MARCHF10: variants seen among roughly 807,000 people sequenced by gnomAD.
MARCHF10 encodes the protein probable E3 ubiquitin-protein ligase MARCHF10.
A neutral mutation model predicts 76.2 loss-of-function variants in MARCHF10; 64 were observed. The ratio of observed to expected loss-of-function variants is 0.84; its 90% CI spans 0.69 to 1.03. MARCHF10 has a LOEUF of 1.03. MARCHF10 is among the 50% of genes least tolerant of loss of function. The pLI is 0.00. For synonymous variants in MARCHF10, 340 were observed against 357.5 expected, an observed-to-expected ratio of 0.95 and a Z score of 0.55; for missense variants, 875 against 958.0, an observed-to-expected ratio of 0.91 and a Z score of 1.14.
intron 3 of MARCHF10, among the ~76,000 whole-genome samples, chr17:62,786,718 A>C (rs191292847): frequency 3.9e-5 from 6 of 152,352 alleles, no homozygotes; most frequent in Non-Finnish European, 4.4e-5. Flanking sequence ...AGCAGGAAGA[A>C]GAAAACTATA....
chr17:62,797,461 C>T (rs1568227229), intron 2 of MARCHF10, among the ~76,000 whole-genome samples: 1 of 152,192 alleles, frequency 6.6e-6, no homozygotes, highest in East Asian at 1.9e-4. Flanking sequence ...GCCTTGGCCT[C>T]CCAAAGTGCT....
chr17:62,736,655 T>G lies in MARCHF10; in HGVS notation c.1213A>C (p.Thr405Pro). ...ACCTCTTGTCTGGGCTCGGATTTGG[T>G]GTCCCACGAAAGAGGGCTCTTTTTC... The part of the protein sequence containing the change: ...NAKKSPLSWD[T>P]KSEPRQEVGV... The change falls in exon 6 of 11, where the codon ACC becomes CCC. Residue 405 changes from threonine to proline, a missense_variant. Coordinates refer to ENST00000311269, the MANE Select transcript of MARCHF10 (RefSeq NM_152598.4). 6.2e-7 allele frequency: 1 copy of G among 1,614,204 alleles called. No homozygotes were observed. Among genetic ancestry groups the G allele is most frequent in the Non-Finnish European group, 8.5e-7 (1 of 1,180,042 alleles).
intron 4 of MARCHF10, chr17:62,746,784 G>A (rs954104659): frequency 1.3e-5 from 12 of 923,332 alleles, no homozygotes; most frequent in African/African-American, 1.7e-5. Context: ...AATCCCAGCA[G>A]AATATTCAAA....
At position 62,787,270 on chromosome 17, in the gene MARCHF10, A is replaced by G. The variant is rs141262800; in HGVS notation, c.210+1210T>C. ...TATACATCTACATCTATAAACATCAATCACTGATGTTTTTAAGGTGTCCTT... is the reference window on the plus strand; with the variant it reads ...TATACATCTACATCTATAAACATCAGTCACTGATGTTTTTAAGGTGTCCTT... On this transcript the variant is annotated intron_variant, in intron 3 of 10. Transcript: ENST00000311269. Among the ~76,000 whole-genome samples, 1,394 of 152,278 alleles carry G rather than the reference A, an allele frequency of 9.2e-3. 25 individuals are homozygous for G. The highest frequency in any genetic ancestry group is 0.03 in the African/African-American group (1,259 of 41,548).
At chr17:62,737,355 T>C (rs531887517) in intron 5 of MARCHF10, 23 bp from the exon 6 acceptor site, 2 of 1,592,278 alleles carry the variant, frequency 1.3e-6, no homozygotes, top group Non-Finnish European at 1.7e-6. Context: ...AAGACACATT[T>C]ATCGTTCCAG....
rs187317159 is a variant in MARCHF10, at chr17:62,709,980, C to T, written c.2328+1251G>A. Among the ~76,000 whole-genome samples the T allele has an allele frequency of 2.5e-3, 377 of 152,272 alleles. 1 individual carries two copies. Among genetic ancestry groups the T allele is most frequent in the African/African-American group, 8.5e-3 (351 of 41,536 alleles). ...TGAGCTTGTGGTGAGAGAAGAGTGT[C>T]CCTGGTCCCTCCTGCTGCTTTTTGC... On this transcript the variant is annotated intron_variant, in intron 9 of 10. Coordinates refer to ENST00000311269, the MANE Select transcript of MARCHF10 (RefSeq NM_152598.4).
rs572817460 is a variant in MARCHF10, at chr17:62,771,646, G to A, written c.211-11640C>T. Reference sequence around the variant, plus strand: ...GGCTGGAGCACAGTGGTGTGATCTCGGCTCACTGCAAGCTCTGCCTCCAGA... The same window carrying A: ...GGCTGGAGCACAGTGGTGTGATCTCAGCTCACTGCAAGCTCTGCCTCCAGA... On this transcript the variant is annotated intron_variant, in intron 3 of 10. Coordinates refer to ENST00000311269, the MANE Select transcript of MARCHF10 (RefSeq NM_152598.4). 3.5e-5 allele frequency among the ~76,000 whole-genome samples: 5 copies of A among 144,258 alleles called. 1 individual carries two copies. The highest frequency in any genetic ancestry group is 6.0e-5 in the Non-Finnish European group (4 of 66,902). The allele number at this position is 144,258 out of a possible 152,430, so 94.6% of individuals were successfully genotyped here. A position where few individuals can be genotyped will look rare whatever the true frequency, so the allele number is the denominator to read the frequency against.
At chr17:62,779,636 C>CA (rs1345776829) in intron 3 of MARCHF10, among the ~76,000 whole-genome samples, 2 of 152,224 alleles carry the variant, frequency 1.3e-5, no homozygotes, top group Non-Finnish European at 2.9e-5. Context: ...CCGCAGTATG[C>CA]AAAGCATTGT....
At chr17:62,740,492 T>A (rs759963092) in intron 5 of MARCHF10, among the ~76,000 whole-genome samples, 1 of 152,024 alleles carries the variant, frequency 6.6e-6, no homozygotes, top group Non-Finnish European at 1.5e-5. Context: ...TTGGAGAAAA[T>A]TTGGAAACTA....
At chr17:62,802,270 G>A (rs1304901199) in intron 1 of MARCHF10, among the ~76,000 whole-genome samples, 1 of 152,108 alleles carries the variant, frequency 6.6e-6, no homozygotes, top group Non-Finnish European at 1.5e-5. Flanking sequence ...GCTCAGGCTG[G>A]AGTGCAATGG....
intron 3 of MARCHF10, among the ~76,000 whole-genome samples, chr17:62,781,546 C>T (rs191918964): frequency 9.8e-5 from 15 of 152,296 alleles, no homozygotes; most frequent in African/African-American, 1.9e-4. Context: ...AACTTCTCAG[C>T]GCAGGCTTGA....
Position 62,808,276 on chromosome 17 carries a change from C to CT in MARCHF10, c.-218_-217insA, listed in dbSNP as rs2093193094. 1.3e-5 allele frequency: 2 copies of CT among 152,546 alleles called. No homozygotes were observed. The highest frequency in any genetic ancestry group is 4.8e-5 in the African/African-American group (2 of 41,484). 9.4% of individuals were successfully genotyped at this position (152,546 alleles called of 1,614,324 possible). A position where few individuals can be genotyped will look rare whatever the true frequency, so the allele number is the denominator to read the frequency against. The stretch of plus-strand genomic sequence containing the variant: ...TCCCCGAGGCTGCTTTCCGCGGCGC[C>CT]GGCCGGCCTTGCCTGGGGCGGAGGC... On this transcript the variant is annotated 5_prime_UTR_variant, in exon 1 of 11. Coordinates refer to ENST00000311269, the MANE Select transcript of MARCHF10 (RefSeq NM_152598.4).
Position 62,776,270 on chromosome 17 carries a change from A to AG in MARCHF10, c.210+12209dup, listed in dbSNP as rs200140776. Among the ~76,000 whole-genome samples, 120 of 152,356 alleles carry AG rather than the reference A, an allele frequency of 7.9e-4. No homozygotes were observed. In the East Asian group the frequency reaches 0.017, roughly 21 times the overall value. ...CTGCGCTGCTAAGACCAATCAACAC[A>AG]GGGAACCCTTTGGGTCAGAGGTCAC... On this transcript the variant is annotated intron_variant, in intron 3 of 10. Transcript: ENST00000311269.
rs187247456 is a variant in MARCHF10 at position 62,781,518 on chromosome 17, G to A, written c.210+6962C>T. On this transcript the variant is annotated intron_variant, in intron 3 of 10. Transcript: ENST00000311269. ...CAAGCCACGACTGTAAATGTATTTA[G>A]GAAGTACCACTCTAAAGAACTTCTC... 7.2e-5 allele frequency among the ~76,000 whole-genome samples: 11 copies of A among 152,340 alleles called. 1 individual carries two copies. Among genetic ancestry groups the A allele is most frequent in the African/African-American group, 2.6e-4 (11 of 41,572 alleles).
intron 2 of MARCHF10, among the ~76,000 whole-genome samples, 174 bp from the exon 3 acceptor site, chr17:62,788,773 C>T (rs575231368): frequency 2.0e-5 from 3 of 152,324 alleles, no homozygotes; most frequent in Admixed American, 6.5e-5. Flanking sequence ...TTGCTTAAAA[C>T]GCAGGTCAGG....
intron 3 of MARCHF10, among the ~76,000 whole-genome samples, chr17:62,780,095 T>TA (rs963591343): frequency 9.7e-4 from 134 of 137,670 alleles, no homozygotes; most frequent in Admixed American, 1.8e-3. Flanking sequence ...AGACTCGGTC[T>TA]AAAAAAAAAA....
intron 6 of MARCHF10, among the ~76,000 whole-genome samples, chr17:62,731,411 C>T (rs191973075): frequency 3.4e-4 from 52 of 152,086 alleles, no homozygotes; most frequent in Admixed American, 5.9e-4. Flanking sequence ...TACTGGTGTG[C>T]GCCACCATGC....
At chr17:62,762,783 C>A (rs1280320178) in intron 3 of MARCHF10, among the ~76,000 whole-genome samples, 1 of 152,198 alleles carries the variant, frequency 6.6e-6, no homozygotes, top group African/African-American at 2.4e-5. Flanking sequence ...TGAGCTCAGG[C>A]AAGCCGCCCG....
rs766533037 is a variant in MARCHF10 at position 62,801,709 on chromosome 17, C to T, written c.27G>A (p.Gln9=). The change falls in exon 2 of 11, where the codon CAG becomes CAA. Residue 9 remains glutamine, a synonymous_variant. Coordinates refer to ENST00000311269, the MANE Select transcript of MARCHF10 (RefSeq NM_152598.4). The part of the protein sequence containing the change: MLHDARDR[Q]KFFSDVQYLR... ...GATACTGAACATCGCTGAAGAACTTCTGCCTGTCCCTTGCGTCATGCAACA... is the reference window on the plus strand; with the variant it reads ...GATACTGAACATCGCTGAAGAACTTTTGCCTGTCCCTTGCGTCATGCAACA... 6.2e-7 allele frequency: 1 copy of T among 1,614,082 alleles called. No homozygotes were observed. Among genetic ancestry groups the T allele is most frequent in the East Asian group, 2.2e-5 (1 of 44,890 alleles).
Sources: allele counts gnomAD v4.1 joint callset (sites outside exome capture counted in the v4.1 genomes callset), GRCh38; gene constraint gnomAD v4.1.1; transcripts MANE v1.5; gene names NCBI Gene and HGNC (gene_info 2026-07-23, HGNC 2026-07-21).